The following HS6ST3 variants were observed in gnomAD, a reference collection of about 807,000 sequenced individuals.
HS6ST3 encodes heparan-sulfate 6-O-sulfotransferase 3.
HS6ST3 carries 12 observed loss-of-function variants against 36.7 expected under a neutral mutation model. That is an observed-to-expected ratio of 0.33 (90% CI 0.21 to 0.53). HS6ST3 has a LOEUF of 0.53. Among genes scored for constraint, HS6ST3 ranks in the 20% least tolerant of loss-of-function variants. HS6ST3 has a pLI of 0.95. For synonymous variants in HS6ST3, 240 were observed against 257.5 expected (o/e 0.93, Z 0.65); for missense variants, 584 against 640.9 (o/e 0.91, Z 0.96).
chr13:96,285,300 G>T (rs2054796345), intron 1 of HS6ST3, among the ~76,000 whole-genome samples: 1 of 152,118 alleles, frequency 6.6e-6, no homozygotes, highest in South Asian at 2.1e-4. Context: ...TCATCTTAAA[G>T]ATATACTATT....
intron 1 of HS6ST3, among the ~76,000 whole-genome samples, chr13:96,333,340 C>A (rs1301305946): frequency 6.6e-6 from 1 of 152,150 alleles, no homozygotes; most frequent in Admixed American, 6.6e-5. Context: ...AGAGCAATTT[C>A]CACCAAATGC....
intron 1 of HS6ST3, among the ~76,000 whole-genome samples, chr13:96,496,448 T>C (rs910475511): frequency 6.6e-6 from 1 of 152,114 alleles, no homozygotes; most frequent in Admixed American, 6.6e-5. Context: ...ACCACTAGAA[T>C]GTGGCAAAAG....
chr13:96,270,826 T>C (rs1412963823), intron 1 of HS6ST3, among the ~76,000 whole-genome samples: 1 of 151,840 alleles, frequency 6.6e-6, no homozygotes, highest in African/African-American at 2.4e-5. Context: ...TCCATCAGCC[T>C]TTCATTTGCT....
chr13:96,276,081 G>T (rs547911230), intron 1 of HS6ST3, among the ~76,000 whole-genome samples: 1 of 151,726 alleles, frequency 6.6e-6, no homozygotes, highest in Non-Finnish European at 1.5e-5. Context: ...GCCATTCCCA[G>T]CATGCCTTGC....
intron 1 of HS6ST3, among the ~76,000 whole-genome samples, chr13:96,161,604 C>G (rs896054491): frequency 9.9e-5 from 15 of 152,170 alleles, no homozygotes; most frequent in African/African-American, 3.6e-4. Flanking sequence ...TGATCAGGCC[C>G]TCTCAGTGTG....
chr13:96,438,189 C>T (rs561468189), intron 1 of HS6ST3, among the ~76,000 whole-genome samples: 27 of 152,278 alleles, frequency 1.8e-4, no homozygotes, highest in African/African-American at 5.8e-4. Context: ...ATTTTCAGTT[C>T]AGACTGGTTC....
intron 1 of HS6ST3, among the ~76,000 whole-genome samples, chr13:96,500,535 G>C (rs2055999235): frequency 6.6e-6 from 1 of 152,174 alleles, no homozygotes; most frequent in East Asian, 1.9e-4. Flanking sequence ...GACCAAGTTA[G>C]TAGGCTGTTG....
At chr13:96,726,045 C>T (rs933163046) in intron 1 of HS6ST3, among the ~76,000 whole-genome samples, 7 of 152,114 alleles carry the variant, frequency 4.6e-5, no homozygotes, top group Non-Finnish European at 7.4e-5. Flanking sequence ...GCCATCTTGG[C>T]CAGGCTAGTC....
chr13:96,324,213 T>A (rs764536316), intron 1 of HS6ST3, among the ~76,000 whole-genome samples: 1 of 152,206 alleles, frequency 6.6e-6, no homozygotes, highest in Non-Finnish European at 1.5e-5. Flanking sequence ...AAAAACTTTA[T>A]TGAGTGGCTA....
chr13:96,498,477 C>A (rs537002165), intron 1 of HS6ST3, among the ~76,000 whole-genome samples: 1 of 152,134 alleles, frequency 6.6e-6, no homozygotes, highest in African/African-American at 2.4e-5. Context: ...TCTTTTAAAT[C>A]CCAGTTTAAA....
chr13:96,504,115 T>C (rs1226898729), intron 1 of HS6ST3, among the ~76,000 whole-genome samples: 1 of 152,160 alleles, frequency 6.6e-6, no homozygotes. Flanking sequence ...GTACAACATA[T>C]ACATTTTTTC....
intron 1 of HS6ST3, among the ~76,000 whole-genome samples, chr13:96,238,070 C>T (rs1460545304): frequency 6.6e-6 from 1 of 152,160 alleles, no homozygotes; most frequent in African/African-American, 2.4e-5. Flanking sequence ...CAAAGTGGCA[C>T]CTTGAATTCC....
chr13:96,750,319 G>A (rs898273148), intron 1 of HS6ST3, among the ~76,000 whole-genome samples: 13 of 152,222 alleles, frequency 8.5e-5, no homozygotes, highest in African/African-American at 1.7e-4. Context: ...TGTAAGAAAC[G>A]TGATATTACA....
At chr13:96,546,383 G>A (rs2056197802) in intron 1 of HS6ST3, among the ~76,000 whole-genome samples, 1 of 152,122 alleles carries the variant, frequency 6.6e-6, no homozygotes, top group Admixed American at 6.5e-5. Context: ...AGTTTCACTT[G>A]ATAGTACTTC....
intron 1 of HS6ST3, among the ~76,000 whole-genome samples, chr13:96,346,438 G>C (rs983997535): frequency 1.3e-5 from 2 of 152,006 alleles, no homozygotes; most frequent in Non-Finnish European, 2.9e-5. Flanking sequence ...GCCGGGCGTG[G>C]TGGCAGGTGC....
chr13:96,792,970 C>T (rs899483251), intron 1 of HS6ST3, among the ~76,000 whole-genome samples: 2 of 152,020 alleles, frequency 1.3e-5, no homozygotes, highest in Non-Finnish European at 2.9e-5. Context: ...CGGCACCACG[C>T]CAATTTGTTG....
intron 1 of HS6ST3, among the ~76,000 whole-genome samples, chr13:96,494,762 C>G (rs2055966387): frequency 6.6e-6 from 1 of 151,934 alleles, no homozygotes; most frequent in Non-Finnish European, 1.5e-5. Context: ...TGGTTCAACC[C>G]CATTAGTGTG....
At chr13:96,223,973 C>A (rs1214686408) in intron 1 of HS6ST3, among the ~76,000 whole-genome samples, 2 of 151,884 alleles carry the variant, frequency 1.3e-5, no homozygotes, top group Non-Finnish European at 2.9e-5. Flanking sequence ...ATCTTCCCTT[C>A]CCTCTTCTTC....
rs1924585 is a variant in HS6ST3 at position 96,740,814 on chromosome 13, T to C, written c.708-91676T>C. The stretch of plus-strand genomic sequence containing the variant: ...AAGAACAAGATTTCCTCTCCTCTTC[T>C]AAGGGGGAGACAGAAGTCAGCCTGA... On this transcript the variant is annotated intron_variant, in intron 1 of 1. Transcript: ENST00000376705. Among the ~76,000 whole-genome samples, 953 of 152,240 alleles carry C rather than the reference T, an allele frequency of 6.3e-3. 10 individuals carry two copies. The highest frequency in any genetic ancestry group is 0.022 in the African/African-American group (909 of 41,552).
Sources: allele counts gnomAD v4.1 joint callset (sites outside exome capture counted in the v4.1 genomes callset), GRCh38; gene constraint gnomAD v4.1.1; transcripts MANE v1.5; gene names NCBI Gene and HGNC (gene_info 2026-07-23, HGNC 2026-07-21).